MMP26: variants seen among roughly 807,000 people sequenced by gnomAD.
MMP26 encodes matrix metallopeptidase 26, also known as matrix metalloproteinase-26.
In MMP26, 33 loss-of-function variants were observed where a neutral mutation model predicts 31.0. The ratio of observed to expected loss-of-function variants is 1.06; its 90% confidence interval spans 0.81 to 1.42. MMP26 has a LOEUF of 1.42. Among genes scored for constraint, MMP26 ranks in the 40% most tolerant of loss-of-function variants. The probability of loss-of-function intolerance (pLI) is 0.00; values close to 1 mark genes in which losing one functional copy is unlikely to be tolerated. For synonymous variants in MMP26, 122 were observed against 114.9 expected, an observed-to-expected ratio of 1.06 and a Z score of -0.40; for missense variants, 347 against 316.1, an observed-to-expected ratio of 1.10 and a Z score of -0.74.
chr11:4,924,884 T>C (rs935837328), intron 2 of MMP26, among the ~76,000 whole-genome samples: 1 of 152,212 alleles, frequency 6.6e-6, no homozygotes, highest in Non-Finnish European at 1.5e-5. Flanking sequence ...GACATCTAGG[T>C]ATCCAGGTCT....
At chr11:4,829,281 T>C (rs573554861) in intron 2 of MMP26, among the ~76,000 whole-genome samples, 2 of 152,232 alleles carry the variant, frequency 1.3e-5, no homozygotes, top group South Asian at 4.1e-4. Context: ...TACTGGACTC[T>C]TTTCTCCACT....
chr11:4,805,702 A>C (rs1339543448), intron 2 of MMP26, among the ~76,000 whole-genome samples: 1 of 152,182 alleles, frequency 6.6e-6, no homozygotes, highest in African/African-American at 2.4e-5. Flanking sequence ...TAACTGATTA[A>C]CAATATTCTA....
At chr11:4,943,603 A>G (rs997897378) in intron 2 of MMP26, 14 of 395,770 alleles carry the variant, frequency 3.5e-5, no homozygotes, top group African/African-American at 1.7e-4. Context: ...AGTGGAAGTC[A>G]GTGACACACC....
At chr11:4,790,088 T>A (rs1248259681) in intron 2 of MMP26, among the ~76,000 whole-genome samples, 4 of 152,098 alleles carry the variant, frequency 2.6e-5, no homozygotes, top group South Asian at 4.2e-4. Context: ...ACGCCTGTAA[T>A]CCCAGCACTT....
chr11:4,909,040 T>C (rs962487487), intron 2 of MMP26: 3 of 152,164 alleles, frequency 2.0e-5, no homozygotes, highest in Non-Finnish European at 4.4e-5. Context: ...ATGTAAATTA[T>C]GGAAAATTCA....
chr11:4,723,528 G>C (rs966139789), intron 1 of MMP26: 10 of 1,199,276 alleles, frequency 8.3e-6, no homozygotes, highest in East Asian at 2.3e-5. Flanking sequence ...AGTTGATCTC[G>C]TCAGTCAGCC....
chr11:4,965,194 C>T (rs1370624185), intron 2 of MMP26, among the ~76,000 whole-genome samples: 1 of 152,154 alleles, frequency 6.6e-6, no homozygotes, highest in African/African-American at 2.4e-5. Context: ...GGATCCAATG[C>T]TGACAAATCT....
chr11:4,778,920 T>A (rs1848823462), intron 2 of MMP26, among the ~76,000 whole-genome samples: 1 of 152,056 alleles, frequency 6.6e-6, no homozygotes, highest in Admixed American at 6.6e-5. Context: ...AATACTGTTT[T>A]TTGTATCCAG....
At chr11:4,882,012 C>G in intron 2 of MMP26, 2 of 1,613,862 alleles carry the variant, frequency 1.2e-6, no homozygotes, top group Non-Finnish European at 8.5e-7. Flanking sequence ...TGTCTCTACA[C>G]CATTGCCCTC....
chr11:4,712,134 A>G (rs1388419984), intron 1 of MMP26: 1 of 152,160 alleles, frequency 6.6e-6, no homozygotes, highest in African/African-American at 2.4e-5. Context: ...TATTGAATTA[A>G]ATTTATTTTT....
intron 2 of MMP26, among the ~76,000 whole-genome samples, chr11:4,924,978 TTA>T (rs201921991): frequency 6.6e-6 from 1 of 152,070 alleles, no homozygotes; most frequent in East Asian, 1.9e-4. Flanking sequence ...CTCTATTGTG[TTA>T]TATATATATA....
intron 2 of MMP26, among the ~76,000 whole-genome samples, chr11:4,897,430 GC>G (rs1850724505): frequency 6.6e-6 from 1 of 152,276 alleles, no homozygotes; most frequent in Admixed American, 6.5e-5. Flanking sequence ...AAGCCATCAT[GC>G]CCGGCCTATA....
intron 2 of MMP26, chr11:4,863,691 A>G (rs1422374318): frequency 6.6e-6 from 1 of 152,146 alleles, no homozygotes; most frequent in Non-Finnish European, 1.5e-5. Flanking sequence ...GAGCCTTTAT[A>G]AAGACTGCTC....
At chr11:4,724,961 G>T (rs540910844) in intron 1 of MMP26, among the ~76,000 whole-genome samples, 1 of 152,186 alleles carries the variant, frequency 6.6e-6, no homozygotes, top group Non-Finnish European at 1.5e-5. Flanking sequence ...TGGAGGTGGG[G>T]CCTGGTGGAA....
In MMP26 at chr11:4,776,334, T is replaced by C. The variant is rs191602791; in HGVS notation, c.-145+8993T>C. On this transcript the variant is annotated intron_variant, in intron 2 of 7. Transcript: ENST00000380390. ...CCAGTAGTGAGATTACTGGATCAAA[T>C]AACAGTTCTATGTTTAGTTCTTTAA... Among the ~76,000 whole-genome samples, 280 of 152,308 alleles carry C rather than the reference T, an allele frequency of 1.8e-3. 1 individual carries two copies. Among genetic ancestry groups the C allele is most frequent in the Middle Eastern group, 3.4e-3 (1 of 294 alleles).
At position 4,883,030 on chromosome 11, in the gene MMP26, AAG is replaced by A. The variant is rs972798808; in HGVS notation, c.-144-105035_-144-105034del. 12 of 629,266 alleles carry A rather than the reference AAG, an allele frequency of 1.9e-5. No homozygotes were observed. In the African/African-American group the frequency reaches 2.0e-4, roughly 11 times the overall value. 39.0% of individuals were successfully genotyped at this position (629,266 alleles called of 1,614,324 possible). On this transcript the variant is annotated intron_variant, in intron 2 of 7. Coordinates refer to ENST00000380390, the MANE Select transcript of MMP26 (RefSeq NM_021801.5). ...CAGTAATTTTCCCCTGAGCTTATCA[AAG>A]AGTTTTATTTTTAATTTTTAATACC... is the stretch of plus-strand genomic sequence containing the variant.
chr11:4,848,723 A>G (rs1337226988), intron 2 of MMP26: 2 of 1,613,982 alleles, frequency 1.2e-6, no homozygotes, highest in Admixed American at 3.3e-5. Context: ...GCAGATGGAG[A>G]CCCAGGCATC....
At chr11:4,924,557 G>C (rs990476691) in intron 2 of MMP26, among the ~76,000 whole-genome samples, 1 of 152,124 alleles carries the variant, frequency 6.6e-6, no homozygotes, top group Admixed American at 6.5e-5. Flanking sequence ...ATAATAGTAG[G>C]CTAATCTGAA....
chr11:4,877,113 G>A (rs1405875922), intron 2 of MMP26: 1 of 152,322 alleles, frequency 6.6e-6, no homozygotes, highest in Admixed American at 6.5e-5. Flanking sequence ...CCATCAGGAT[G>A]CCATGAGGCT....
Sources: allele counts gnomAD v4.1 joint callset (sites outside exome capture counted in the v4.1 genomes callset), GRCh38; gene constraint gnomAD v4.1.1; transcripts MANE v1.5; gene names NCBI Gene and HGNC (gene_info 2026-07-23, HGNC 2026-07-21).